The following FBN2 variants were observed in gnomAD, a reference collection of about 807,000 sequenced individuals.
FBN2 encodes the protein fibrillin-2.
Under a neutral mutation model 355.6 loss-of-function variants are expected in FBN2, and 105 were observed. The observed-to-expected ratio is 0.30, with a 90% CI of 0.25 to 0.35. The LOEUF (loss-of-function observed/expected upper bound fraction) is 0.35, where lower values mean the gene tolerates loss of function less well. Among genes scored for constraint, FBN2 ranks in the 10% least tolerant of loss-of-function variants. The probability of loss-of-function intolerance (pLI) is 1.00; values close to 1 mark genes in which losing one functional copy is unlikely to be tolerated. For missense variants in FBN2, 3,280 were observed against 3,758.7 expected, an observed-to-expected ratio of 0.87 and a Z score of 3.33; for synonymous variants, 1,350 against 1,301.2, an observed-to-expected ratio of 1.04 and a Z score of -0.81.
intron 7 of FBN2, among the ~76,000 whole-genome samples, chr5:128,418,780 A>C (rs891543856): frequency 6.6e-6 from 1 of 152,168 alleles, no homozygotes; most frequent in African/African-American, 2.4e-5. Context: ...TCTGTGACCT[A>C]ACATATGGTC....
At chr5:128,506,539 C>G (rs987715705) in intron 5 of FBN2, among the ~76,000 whole-genome samples, 2 of 152,042 alleles carry the variant, frequency 1.3e-5, no homozygotes, top group East Asian at 1.9e-4. Flanking sequence ...CTTATGAGCT[C>G]CAGTAGATTT....
intron 14 of FBN2, among the ~76,000 whole-genome samples, chr5:128,375,039 C>G (rs1752047224): frequency 6.6e-6 from 1 of 152,044 alleles, no homozygotes; most frequent in Admixed American, 6.5e-5. Flanking sequence ...TTAAGTAAAA[C>G]AAATTCTTTA....
intron 51 of FBN2, 96 bp from the exon 52 acceptor site, chr5:128,289,348 C>A: frequency 7.6e-7 from 1 of 1,309,480 alleles, no homozygotes; most frequent in Non-Finnish European, 1.1e-6. Flanking sequence ...CTTTGGGAGG[C>A]CGAGGTGGGT....
chr5:128,475,313 G>A (rs1231042053), intron 5 of FBN2, among the ~76,000 whole-genome samples: 2 of 152,160 alleles, frequency 1.3e-5, no homozygotes, highest in African/African-American at 2.4e-5. Context: ...AGTATTGGTA[G>A]TGAGAAAATT....
chr5:128,415,762 T>C (rs575233814), intron 7 of FBN2, among the ~76,000 whole-genome samples: 34 of 152,332 alleles, frequency 2.2e-4, no homozygotes, highest in African/African-American at 7.7e-4. Flanking sequence ...TTGTAATTTT[T>C]TGAGAAATAT....
chr5:128,494,127 C>T (rs1024990024), intron 5 of FBN2, among the ~76,000 whole-genome samples: 15 of 152,222 alleles, frequency 9.9e-5, no homozygotes, highest in African/African-American at 3.4e-4. Flanking sequence ...TCAGCCCTAC[C>T]CTGCATCCTA....
chr5:128,491,574 C>A (rs1198601386), intron 5 of FBN2, among the ~76,000 whole-genome samples: 2 of 152,210 alleles, frequency 1.3e-5, no homozygotes, highest in East Asian at 3.8e-4. Context: ...GGCTTTGACA[C>A]AATGCTGCCA....
intron 5 of FBN2, among the ~76,000 whole-genome samples, chr5:128,478,079 C>T (rs1277718432): frequency 6.6e-6 from 1 of 152,200 alleles, no homozygotes; most frequent in Non-Finnish European, 1.5e-5. Context: ...AATTCTCTTT[C>T]AGTAGGTACT....
intron 40 of FBN2, 21 bp downstream of exon 40, chr5:128,309,962 A>G (rs768428051): frequency 1.9e-6 from 3 of 1,613,020 alleles, no homozygotes; most frequent in Non-Finnish European, 1.7e-6. Flanking sequence ...GCTCTAATTA[A>G]TCTCAGAGTT....
At chr5:128,356,709 G>A (rs1354826066) in intron 20 of FBN2, among the ~76,000 whole-genome samples, 1 of 152,186 alleles carries the variant, frequency 6.6e-6, no homozygotes, top group African/African-American at 2.4e-5. Context: ...AATGTTTTGA[G>A]ACATATTGAA....
At chr5:128,348,689 ATC>A (rs1751251123) in intron 23 of FBN2, among the ~76,000 whole-genome samples, 2 of 152,152 alleles carry the variant, frequency 1.3e-5, no homozygotes, top group Non-Finnish European at 2.9e-5. Context: ...GGGAAAAAAA[ATC>A]TCTGTAGGTA....
chr5:128,469,264 CTAGGG>C (rs1471876730), intron 5 of FBN2, among the ~76,000 whole-genome samples: 1 of 152,022 alleles, frequency 6.6e-6, no homozygotes, highest in East Asian at 1.9e-4. Flanking sequence ...CAAGGTGCAC[CTAGGG>C]TAGTGTGTGG....
chr5:128,305,398 A>T (rs1170597296), intron 44 of FBN2, 113 bp downstream of exon 44: 1 of 1,207,454 alleles, frequency 8.3e-7, no homozygotes, highest in East Asian at 2.4e-5. Context: ...TTCACTATAA[A>T]TGAACAGGTT....
chr5:128,277,982 G>C lies in FBN2; in HGVS notation c.7369C>G (p.Pro2457Ala), dbSNP rs863223587. ...GRDIDECKVM[P>A]NLCTNGQCIN... ...CACTGACCATTGGTGCAGAGGTTTGGCATTACCTTACATTCATCAATATCT... is the reference window on the plus strand; with the variant it reads ...CACTGACCATTGGTGCAGAGGTTTGCCATTACCTTACATTCATCAATATCT... Residue 2457 changes from proline (P) to alanine (A), a missense_variant, in exon 58 of 65, where the codon CCA becomes GCA. Pro to Ala is a conservative substitution (Grantham distance 27). Transcript: ENST00000262464. 3.1e-6 allele frequency: 5 copies of C among 1,613,956 alleles called. No homozygotes were observed. Among genetic ancestry groups the C allele is most frequent in the Non-Finnish European group, 4.2e-6 (5 of 1,179,892 alleles).
chr5:128,504,579 CT>C (rs1755904397), intron 5 of FBN2, among the ~76,000 whole-genome samples: 2 of 152,204 alleles, frequency 1.3e-5, no homozygotes, highest in South Asian at 4.1e-4. Context: ...GGATTTCAGA[CT>C]TGCATGAGGC....
chr5:128,338,206 T>A (rs1362898137), intron 26 of FBN2, 84 bp from the exon 27 acceptor site: 2 of 1,350,912 alleles, frequency 1.5e-6, no homozygotes, highest in Non-Finnish European at 2.1e-6. Context: ...GAATATTATC[T>A]GATGTGAGAG....
At chr5:128,497,237 C>T (rs1755678894) in intron 5 of FBN2, among the ~76,000 whole-genome samples, 1 of 152,058 alleles carries the variant, frequency 6.6e-6, no homozygotes, top group African/African-American at 2.4e-5. Flanking sequence ...ATACCAAACA[C>T]CAGACTTAGG....
At chr5:128,278,908 T>C in intron 56 of FBN2, 67 bp from the exon 57 acceptor site, 1 of 1,292,320 alleles carries the variant, frequency 7.7e-7, no homozygotes, top group South Asian at 1.2e-5. Flanking sequence ...GCTTTCAAAT[T>C]AAGCAGGGCA....
chr5:128,492,058 T>C (rs1755520827), intron 5 of FBN2, among the ~76,000 whole-genome samples: 1 of 152,176 alleles, frequency 6.6e-6, no homozygotes, highest in Non-Finnish European at 1.5e-5. Flanking sequence ...AGGGTTAAGT[T>C]TTCCCTCCCT....
Sources: gnomAD v4.1 joint callset for allele counts (sites outside exome capture counted in the v4.1 genomes callset) on GRCh38, gnomAD v4.1.1 for gene constraint, MANE v1.5 for transcripts, NCBI Gene and HGNC (gene_info 2026-07-23, HGNC 2026-07-21) for gene names.